The following CEP83 variants were observed in gnomAD, a reference collection of about 807,000 sequenced individuals.
The protein encoded by CEP83 is centrosomal protein 83.
In CEP83, 70 loss-of-function variants were observed where a neutral mutation model predicts 101.9. The ratio of observed to expected loss-of-function variants is 0.69; its 90% CI spans 0.57 to 0.84. CEP83 has a LOEUF of 0.84. Among genes scored for constraint, CEP83 ranks in the 40% least tolerant of loss-of-function variants. CEP83 has a pLI of 0.00. For missense variants in CEP83, 715 were observed against 787.2 expected (o/e 0.91, Z 1.10); for synonymous variants, 264 against 267.9 (o/e 0.99, Z 0.14).
At chr12:94,274,520 G>A in the CEP83 span, among the ~76,000 whole-genome samples, 4 of 152,176 alleles carry the variant, frequency 2.6e-5, no homozygotes, top group Non-Finnish European at 4.4e-5. Flanking sequence ...CGACAAACCA[G>A]ATCTGCCACC....
At chr12:94,432,063 T>C (rs552802129) in intron 2 of CEP83, among the ~76,000 whole-genome samples, 1 of 152,072 alleles carries the variant, frequency 6.6e-6, no homozygotes, top group Non-Finnish European at 1.5e-5. Flanking sequence ...TTTTTCTTTT[T>C]TTTTTTTTTG....
intron 6 of CEP83, among the ~76,000 whole-genome samples, chr12:94,395,583 G>A (rs1490098800): frequency 1.3e-5 from 2 of 152,068 alleles, no homozygotes; most frequent in Admixed American, 1.3e-4. Context: ...CAACACTGTG[G>A]GAGGCCAAGG....
chr12:94,348,633 C>T (rs1456908435), intron 11 of CEP83, among the ~76,000 whole-genome samples: 1 of 152,092 alleles, frequency 6.6e-6, no homozygotes, highest in Non-Finnish European at 1.5e-5. Context: ...GCCAAAAAGG[C>T]TCATGGTCAC....
At chr12:94,395,031 A>C (rs2062796229) in intron 6 of CEP83, among the ~76,000 whole-genome samples, 1 of 152,190 alleles carries the variant, frequency 6.6e-6, no homozygotes, top group African/African-American at 2.4e-5. Context: ...TGGGAGTGTA[A>C]ATTAGTTCAA....
chr12:94,388,600 A>C (rs1327388760), intron 6 of CEP83, among the ~76,000 whole-genome samples: 2 of 152,254 alleles, frequency 1.3e-5, no homozygotes, highest in Non-Finnish European at 2.9e-5. Flanking sequence ...ATAAAACTTG[A>C]AATTATTTTT....
intron 15 of CEP83, among the ~76,000 whole-genome samples, chr12:94,311,400 C>T (rs2136285999): frequency 6.6e-6 from 1 of 152,178 alleles, no homozygotes; most frequent in Middle Eastern, 3.4e-3. Context: ...ATGGGAACCC[C>T]AATTTATGGC....
intron 4 of CEP83, among the ~76,000 whole-genome samples, chr12:94,404,774 C>T (rs1196532225): frequency 6.6e-6 from 1 of 152,124 alleles, no homozygotes; most frequent in Non-Finnish European, 1.5e-5. Flanking sequence ...AGTCTTCTCA[C>T]TTCAGTAATC....
the CEP83 span, among the ~76,000 whole-genome samples, chr12:94,297,794 G>T: frequency 5.7e-4 from 87 of 152,134 alleles, no homozygotes; most frequent in African/African-American, 1.9e-3. Flanking sequence ...AAAATGAAGG[G>T]GATGGGAAGG....
At chr12:94,446,129 A>G (rs923845809) in intron 1 of CEP83, among the ~76,000 whole-genome samples, 8 of 152,352 alleles carry the variant, frequency 5.3e-5, no homozygotes, top group African/African-American at 1.7e-4. Flanking sequence ...TTCTTGGGTT[A>G]ACCCACCACC....
intron 2 of CEP83, among the ~76,000 whole-genome samples, chr12:94,412,905 T>C (rs754978950): frequency 1.9e-4 from 28 of 150,236 alleles, no homozygotes; most frequent in Non-Finnish European, 2.8e-4. Flanking sequence ...CAGGCTGGAG[T>C]ACAGTGGCGC....
At chr12:94,280,072 G>C in the CEP83 span, 3 of 339,988 alleles carry the variant, frequency 8.8e-6, no homozygotes, top group Non-Finnish European at 1.2e-5. Flanking sequence ...CTCAGACTCT[G>C]GGTGTTAACT....
At chr12:94,300,240 G>C in the CEP83 span, among the ~76,000 whole-genome samples, 3 of 152,172 alleles carry the variant, frequency 2.0e-5, no homozygotes, top group South Asian at 2.1e-4. Flanking sequence ...GGAGAAAGTA[G>C]GAAAGGAGGC....
At chr12:94,401,101 A>T (rs999263888) in intron 5 of CEP83, 120 bp from the exon 6 acceptor site, 2 of 482,790 alleles carry the variant, frequency 4.1e-6, no homozygotes, top group African/African-American at 4.0e-5. Context: ...AAAGTAAAAA[A>T]TAAATTTAAC....
chr12:94,296,971 C>T, the CEP83 span, among the ~76,000 whole-genome samples: 1 of 152,186 alleles, frequency 6.6e-6, no homozygotes, highest in Non-Finnish European at 1.5e-5. Flanking sequence ...ACTAGGGAAT[C>T]TACTTCCTCC....
At chr12:94,319,031 T>C (rs1419374282) in intron 14 of CEP83, among the ~76,000 whole-genome samples, 1 of 152,186 alleles carries the variant, frequency 6.6e-6, no homozygotes, top group African/African-American at 2.4e-5. Context: ...TGTGAATCCA[T>C]CTGGCCCTGG....
intron 5 of CEP83, chr12:94,402,442 G>A (rs559217123): frequency 6.6e-6 from 1 of 152,204 alleles, no homozygotes; most frequent in South Asian, 2.1e-4. Context: ...AAGGTAAGGG[G>A]GTCTAAAGGT....
intron 6 of CEP83, among the ~76,000 whole-genome samples, chr12:94,383,485 A>G (rs1038601169): frequency 2.0e-5 from 3 of 152,066 alleles, no homozygotes; most frequent in Non-Finnish European, 2.9e-5. Flanking sequence ...CTGACTTACA[A>G]TGGAGTTACA....
chr12:94,322,034 G>A (rs2058767342), intron 14 of CEP83, among the ~76,000 whole-genome samples: 1 of 152,134 alleles, frequency 6.6e-6, no homozygotes, highest in Non-Finnish European at 1.5e-5. Context: ...CTTCTCTCTG[G>A]GAACTCTGTC....
intron 1 of CEP83, among the ~76,000 whole-genome samples, chr12:94,438,765 A>G (rs1185470010): frequency 6.6e-6 from 1 of 152,248 alleles, no homozygotes; most frequent in Non-Finnish European, 1.5e-5. Context: ...AACATTCTCC[A>G]AGATAGACCA....
Sources: gnomAD v4.1 joint callset for allele counts (sites outside exome capture counted in the v4.1 genomes callset) on GRCh38, gnomAD v4.1.1 for gene constraint, MANE v1.5 for transcripts, NCBI Gene and HGNC (gene_info 2026-07-23, HGNC 2026-07-21) for gene names.